The following SOD2 variants were observed in gnomAD, a reference collection of about 807,000 sequenced individuals.
SOD2 encodes the protein superoxide dismutase 2.
Under a neutral mutation model 27.0 loss-of-function variants are expected in SOD2, and 11 were observed. The observed-to-expected ratio is 0.41, with a 90% CI of 0.26 to 0.67. The LOEUF (loss-of-function observed/expected upper bound fraction) is 0.67. SOD2 is among the 30% of genes least tolerant of loss of function. The probability of loss-of-function intolerance (pLI) is 0.34; values close to 1 mark genes in which losing one functional copy is unlikely to be tolerated. For missense variants in SOD2, 250 were observed against 274.5 expected, an observed-to-expected ratio of 0.91 and a Z score of 0.63; for synonymous variants, 105 against 103.0, an observed-to-expected ratio of 1.02 and a Z score of -0.12.
intron 1 of SOD2, chr6:159,736,260 T>A (rs1455637335): frequency 1.2e-6 from 2 of 1,601,458 alleles, no homozygotes; most frequent in Non-Finnish European, 1.7e-6. Flanking sequence ...TTTTTTAGGA[T>A]TCAAGATGAC....
In SOD2 at chr6:159,673,865, A is replaced by T. The variant is rs1779720838; in HGVS notation, c.*8628T>A. 6.6e-6 allele frequency: 1 copy of T among 152,210 alleles called. No individual in the cohort carries two copies. Among genetic ancestry groups the T allele is most frequent in the African/African-American group, 2.4e-5 (1 of 41,438 alleles). 9.4% of individuals were successfully genotyped at this position (152,210 alleles called of 1,614,324 possible). A position where few individuals can be genotyped will look rare whatever the true frequency, so the allele number is the denominator to read the frequency against. The stretch of plus-strand genomic sequence containing the variant: ...TAGACCGCTAGCAAGACTAATAAAC[A>T]AGAAAAGAGAGAAGAATCAAATAAA... On this transcript the variant is annotated 3_prime_UTR_variant, in exon 5 of 5. Coordinates refer to ENST00000538183, the MANE Select transcript of SOD2 (RefSeq NM_000636.4).
rs987919438 is a variant in SOD2 at position 159,680,684 on chromosome 6, C to T, written c.*1809G>A. On this transcript the variant is annotated 3_prime_UTR_variant, in exon 5 of 5. Transcript: ENST00000538183. The stretch of plus-strand genomic sequence containing the variant: ...GGTGCAGTGGCTCACACCTGTAATC[C>T]CAGCACTTTGGGAGGCTGAGCCAGA... The T allele has an allele frequency of 2.6e-5, 4 of 151,986 alleles. No individual in the cohort carries two copies. Among genetic ancestry groups the T allele is most frequent in the Non-Finnish European group, 4.4e-5 (3 of 68,000 alleles). 9.4% of individuals were successfully genotyped at this position (151,986 alleles called of 1,614,324 possible). A position where few individuals can be genotyped will look rare whatever the true frequency, so the allele number is the denominator to read the frequency against.
chr6:159,714,125 C>T, intron 1 of SOD2: 2 of 515,808 alleles, frequency 3.9e-6, no homozygotes, highest in Non-Finnish European at 7.2e-6. Flanking sequence ...AGCAAGTGAT[C>T]ACATGAGCAC....
chr6:159,712,986 C>G (rs1210585960), intron 1 of SOD2: 1 of 627,554 alleles, frequency 1.6e-6, no homozygotes, highest in Admixed American at 2.6e-5. Context: ...ACTGCATCTT[C>G]GTGAGCAGCA....
chr6:159,735,270 C>T (rs1229123731), intron 1 of SOD2, among the ~76,000 whole-genome samples: 1 of 152,136 alleles, frequency 6.6e-6, no homozygotes, highest in African/African-American at 2.4e-5. Flanking sequence ...TCCCTAGTAG[C>T]TGGGATTACA....
chr6:159,719,020 C>A (rs999188005), intron 1 of SOD2, among the ~76,000 whole-genome samples: 5 of 150,854 alleles, frequency 3.3e-5, no homozygotes, highest in African/African-American at 1.2e-4. Flanking sequence ...GCTAGACTTA[C>A]TGTTTTTTTT....
At chr6:159,731,124 G>A (rs1425276762), upstream of SOD2, among the ~76,000 whole-genome samples, 1 of 151,826 alleles carries the variant, frequency 6.6e-6, no homozygotes, top group Non-Finnish European at 1.5e-5. Context: ...CTGGGCAACA[G>A]AGAGAGACTA....
At chr6:159,748,601 C>T, upstream of SOD2, 7 of 1,336,034 alleles carry the variant, frequency 5.2e-6, no homozygotes, top group Non-Finnish European at 6.7e-6. The surrounding 1 kb of genome is among the most constrained non-coding windows in gnomAD (Gnocchi z 5.6). Flanking sequence ...GGCCTGATGG[C>T]GTCGGACTAT....
At chr6:159,724,577 G>A (rs189573073) in intron 1 of SOD2, among the ~76,000 whole-genome samples, 68 of 152,190 alleles carry the variant, frequency 4.5e-4, no homozygotes, top group Non-Finnish European at 7.5e-4. Flanking sequence ...AAATACAGTG[G>A]GGCGAGGGAC....
intron 1 of SOD2, among the ~76,000 whole-genome samples, chr6:159,724,189 G>C (rs1244740889): frequency 6.7e-6 from 1 of 149,282 alleles, no homozygotes; most frequent in Non-Finnish European, 1.5e-5. Flanking sequence ...ACAGGGTCTT[G>C]CTATGTTGCC....
At position 159,688,165 on chromosome 6, in the gene SOD2, A is replaced by G; in HGVS notation, c.304T>C (p.Trp102Arg). The change falls in exon 3 of 5, where the codon TGG (tryptophan) becomes CGG (arginine). Residue 102 changes from tryptophan to arginine, a missense_variant. Physicochemically the swap from Trp to Arg is moderately radical, Grantham distance 101 (BLOSUM62 -3). Transcript: ENST00000538183. ...CCACCGTTAGGGCTGAGGTTTGTCC[A>G]GAAAATGCTATGATTGATATGACCA... is the stretch of plus-strand genomic sequence containing the variant. Reference protein sequence around the residue: ...GGGHINHSIFWTNLSPNGGGE... With the variant: ...GGGHINHSIFRTNLSPNGGGE... 1 of 1,613,822 alleles carries G rather than the reference A, an allele frequency of 6.2e-7. No homozygotes were observed. Among genetic ancestry groups the G allele is most frequent in the Non-Finnish European group, 8.5e-7 (1 of 1,179,672 alleles).
chr6:159,685,219 C>CTTTTTTTTTTTTTTTTTTTTTT (rs750824041), intron 3 of SOD2, among the ~76,000 whole-genome samples, 186 bp from the exon 4 acceptor site: 22 of 73,922 alleles, frequency 3.0e-4, no homozygotes, highest in Middle Eastern at 0.014. Flanking sequence ...ATAACTTCAA[C>CTTTTTTTTTTTTTTTTTTTTTT]TTTTTTTTTT....
intron 1 of SOD2, among the ~76,000 whole-genome samples, chr6:159,743,428 G>C (rs1779381730): frequency 6.6e-6 from 1 of 152,336 alleles, no homozygotes; most frequent in African/African-American, 2.4e-5. Flanking sequence ...TCTGTCTTCT[G>C]TTGGGAGTAG....
chr6:159,728,451 T>G (rs984928420), upstream of SOD2, among the ~76,000 whole-genome samples: 1 of 152,234 alleles, frequency 6.6e-6, no homozygotes, highest in Non-Finnish European at 1.5e-5. Flanking sequence ...TTATTTAGTC[T>G]GGTAGGGAAA....
chr6:159,695,628 G>C (rs1463061721), upstream of SOD2, among the ~76,000 whole-genome samples: 3 of 152,118 alleles, frequency 2.0e-5, no homozygotes, highest in African/African-American at 7.2e-5. Context: ...CCAAGAAGCT[G>C]GAACTACAGG....
intron 1 of SOD2, among the ~76,000 whole-genome samples, chr6:159,722,374 ACT>A (rs1309570919): frequency 1.3e-5 from 2 of 152,182 alleles, no homozygotes; most frequent in East Asian, 1.9e-4. Flanking sequence ...ACAGAGCAAG[ACT>A]CTGTCTTAAA....
chr6:159,723,770 CTTTT>C, intron 1 of SOD2, among the ~76,000 whole-genome samples: 1 of 151,988 alleles, frequency 6.6e-6, no homozygotes, highest in Non-Finnish European at 1.5e-5. Flanking sequence ...GCAGTTGAAA[CTTTT>C]TTTTCTTTTT....
Position 159,737,295 on chromosome 6 carries a change from C to T in SOD2, c.-116+7835G>A, listed in dbSNP as rs372681959. Reference sequence around the variant, plus strand: ...AACTCCCGGGCTCAAGAGATAGCCACCTGCCTCTGCCTTCCAAAGTGCTGG... The same window carrying T: ...AACTCCCGGGCTCAAGAGATAGCCATCTGCCTCTGCCTTCCAAAGTGCTGG... On this transcript the variant is annotated intron_variant, in intron 1 of 3. Coordinates refer to the SOD2 transcript ENST00000537657. Among the ~76,000 whole-genome samples, 50 of 152,220 alleles carry T rather than the reference C, an allele frequency of 3.3e-4. 2 individuals carry two copies. In the South Asian group the frequency reaches 9.1e-3, roughly 28 times the overall value.
intron 2 of SOD2, chr6:159,688,466 C>T (rs753078945): frequency 2.1e-6 from 1 of 473,240 alleles, no homozygotes; most frequent in African/African-American, 2.0e-5. Context: ...AGAAAATTCA[C>T]TCCTGGCTGC....
Sources: allele counts gnomAD v4.1 joint callset (sites outside exome capture counted in the v4.1 genomes callset), GRCh38; gene constraint gnomAD v4.1.1; non-coding constraint Gnocchi (gnomAD v3.1); transcripts MANE v1.5; gene names NCBI Gene and HGNC (gene_info 2026-07-23, HGNC 2026-07-21).